Variants in SLIT1 observed in about 807,000 individuals in gnomAD.
SLIT1 encodes the protein slit guidance ligand 1, also known as slit homolog 1 protein.
SLIT1 carries 66 observed loss-of-function variants against 186.1 expected under a neutral mutation model. The observed-to-expected ratio is 0.35, with a 90% CI of 0.29 to 0.44. The LOEUF (loss-of-function observed/expected upper bound fraction) is 0.44. SLIT1 is among the 20% of genes least tolerant of loss of function. The pLI is 1.00. For synonymous variants in SLIT1, 761 were observed against 833.8 expected (o/e 0.91, Z 1.50); for missense variants, 1,638 against 2,037.4 (o/e 0.80, Z 3.77).
intron 23 of SLIT1, among the ~76,000 whole-genome samples, chr10:97,033,572 G>T (rs1005986766): frequency 2.0e-5 from 3 of 152,126 alleles, no homozygotes; most frequent in Non-Finnish European, 2.9e-5. Context: ...ACATTACCTA[G>T]CAATGAGAAT....
At chr10:97,174,658 G>C (rs902114595) in intron 1 of SLIT1, among the ~76,000 whole-genome samples, 2 of 152,190 alleles carry the variant, frequency 1.3e-5, no homozygotes, top group East Asian at 3.8e-4. Context: ...AATAGCAATT[G>C]CTACAGTAGT....
Position 97,057,204 on chromosome 10 carries a change from T to G in SLIT1, c.1157+6A>C. On this transcript the variant is annotated splice_donor_region_variant and intron_variant, in intron 12 of 36. Transcript: ENST00000266058. Reference sequence around the variant, plus strand: ...CCCACCCAAGACACCCAGGATTCGTTCTTACAGGAGCTGTAGGGTGTATAG... The same window carrying G: ...CCCACCCAAGACACCCAGGATTCGTGCTTACAGGAGCTGTAGGGTGTATAG... 6.2e-7 allele frequency: 1 copy of G among 1,613,016 alleles called. No homozygotes were observed.
intron 22 of SLIT1, 104 bp downstream of exon 22, chr10:97,037,594 A>C (rs2805586): frequency 5.9e-6 from 5 of 845,964 alleles, no homozygotes; most frequent in East Asian, 2.5e-5. Context: ...GAAAAGAAGC[A>C]GGATCTGCCC....
At chr10:97,147,393 G>A (rs900144331) in intron 4 of SLIT1, among the ~76,000 whole-genome samples, 2 of 152,214 alleles carry the variant, frequency 1.3e-5, no homozygotes, top group African/African-American at 4.8e-5. Context: ...CCACTAAATT[G>A]TGCACTTACA....
At chr10:97,094,781 T>C (rs1161119303) in intron 4 of SLIT1, among the ~76,000 whole-genome samples, 1 of 152,240 alleles carries the variant, frequency 6.6e-6, no homozygotes, top group African/African-American at 2.4e-5. Flanking sequence ...TGAATATCTT[T>C]GAATTTTTTT....
intron 20 of SLIT1, among the ~76,000 whole-genome samples, chr10:97,040,893 C>T (rs182845755): frequency 1.2e-4 from 18 of 152,244 alleles, no homozygotes; most frequent in Admixed American, 9.1e-4. Flanking sequence ...CACATGCTCC[C>T]GGGTGACAGT....
At chr10:97,132,137 T>C (rs1207792451) in intron 4 of SLIT1, among the ~76,000 whole-genome samples, 2 of 152,162 alleles carry the variant, frequency 1.3e-5, no homozygotes, top group Non-Finnish European at 2.9e-5. Context: ...TCCAAACTCC[T>C]GCAGAACCCT....
At chr10:97,094,574 A>T (rs548640605) in intron 4 of SLIT1, among the ~76,000 whole-genome samples, 8 of 152,362 alleles carry the variant, frequency 5.3e-5, no homozygotes, top group Non-Finnish European at 1.2e-4. Flanking sequence ...ACCCTAAAAA[A>T]TGATACAATG....
intron 8 of SLIT1, among the ~76,000 whole-genome samples, chr10:97,062,535 C>G (rs929581711): frequency 6.6e-6 from 1 of 152,250 alleles, no homozygotes; most frequent in Non-Finnish European, 1.5e-5. Context: ...AAACACAATG[C>G]GGGACCTCAT....
chr10:97,172,845 G>A (rs1020347714), intron 1 of SLIT1, among the ~76,000 whole-genome samples: 23 of 151,996 alleles, frequency 1.5e-4, no homozygotes, highest in African/African-American at 5.6e-4. Flanking sequence ...AATGAGCTAT[G>A]ATTGCACCAC....
chr10:97,004,258 G>T lies in SLIT1; in HGVS notation c.3711-36C>A. On this transcript the variant is annotated intron_variant, in intron 33 of 36. Coordinates refer to ENST00000266058, the MANE Select transcript of SLIT1 (RefSeq NM_003061.3). The surrounding 1 kb of genome is among the most constrained non-coding windows in gnomAD (Gnocchi z 5.1). ...AGGGGGTTCCCCGTTCCAGGGAGTG[G>T]GCATCAGTCTGGACCATCCCTGCCT... 6.3e-7 allele frequency: 1 copy of T among 1,586,536 alleles called. No homozygotes were observed. Among genetic ancestry groups the T allele is most frequent in the South Asian group, 1.1e-5 (1 of 89,084 alleles).
In SLIT1 at chr10:97,064,254, C is replaced by T. The variant is rs747815273; in HGVS notation, c.558-15G>A. On this transcript the variant is annotated splice_polypyrimidine_tract_variant and intron_variant, in intron 6 of 36. Transcript: ENST00000266058. ...TGTTCAGGGTCCTAAATGGGAAAAACCAGAGTCATTTAGCACCTGCCCAGC... is the reference window on the plus strand; with the variant it reads ...TGTTCAGGGTCCTAAATGGGAAAAATCAGAGTCATTTAGCACCTGCCCAGC... The T allele has an allele frequency of 6.2e-7, 1 of 1,610,672 alleles. No individual in the cohort carries two copies. Among genetic ancestry groups the T allele is most frequent in the East Asian group, 2.2e-5 (1 of 44,850 alleles).
intron 4 of SLIT1, among the ~76,000 whole-genome samples, chr10:97,087,110 A>AC (rs967058403): frequency 1.3e-5 from 2 of 151,118 alleles, no homozygotes; most frequent in Non-Finnish European, 3.0e-5. Flanking sequence ...AAAAAAAAAA[A>AC]AACAGGTACC....
At chr10:97,042,453 A>G (rs1014056934) in intron 20 of SLIT1, among the ~76,000 whole-genome samples, 4 of 152,124 alleles carry the variant, frequency 2.6e-5, no homozygotes, top group Non-Finnish European at 4.4e-5. Context: ...GCATTGGAGC[A>G]AAGAGTGACC....
At chr10:97,180,672 C>T (rs980694395) in intron 1 of SLIT1, among the ~76,000 whole-genome samples, 7 of 152,202 alleles carry the variant, frequency 4.6e-5, no homozygotes, top group African/African-American at 1.4e-4. Flanking sequence ...CACGACCATC[C>T]GCCCTGCATA....
At chr10:97,129,188 G>A (rs1212546471) in intron 4 of SLIT1, among the ~76,000 whole-genome samples, 1 of 152,072 alleles carries the variant, frequency 6.6e-6, no homozygotes, top group Non-Finnish European at 1.5e-5. Flanking sequence ...GATCACGTGA[G>A]GTCAGGAGTT....
chr10:97,035,402 T>C (rs1455931655), intron 22 of SLIT1, among the ~76,000 whole-genome samples: 2 of 152,086 alleles, frequency 1.3e-5, no homozygotes, highest in Non-Finnish European at 2.9e-5. Flanking sequence ...GCCCGCATCT[T>C]GTTCTCCCTA....
At chr10:97,142,329 G>A (rs932688354) in intron 4 of SLIT1, among the ~76,000 whole-genome samples, 8 of 152,140 alleles carry the variant, frequency 5.3e-5, no homozygotes, top group African/African-American at 1.7e-4. Flanking sequence ...ACAAACTCTT[G>A]CAAGTATATG....
intron 4 of SLIT1, among the ~76,000 whole-genome samples, chr10:97,144,377 C>T (rs1413436395): frequency 1.3e-5 from 2 of 152,184 alleles, no homozygotes; most frequent in African/African-American, 2.4e-5. Flanking sequence ...TAATGAAGAA[C>T]TCTACATTTA....
Sources: allele counts gnomAD v4.1 joint callset (sites outside exome capture counted in the v4.1 genomes callset), GRCh38; gene constraint gnomAD v4.1.1; non-coding constraint Gnocchi (gnomAD v3.1); transcripts MANE v1.5; gene names NCBI Gene and HGNC (gene_info 2026-07-23, HGNC 2026-07-21).